Variants in PTPRN2 observed in about 807,000 individuals in gnomAD.
PTPRN2 encodes protein tyrosine phosphatase receptor type N2.
Under a neutral mutation model 118.8 loss-of-function variants are expected in PTPRN2, and 74 were observed. That is an observed-to-expected ratio of 0.62 (90% confidence interval 0.52 to 0.76). The LOEUF (loss-of-function observed/expected upper bound fraction) is 0.76. PTPRN2 is among the 30% of genes least tolerant of loss of function. The pLI is 0.00. For missense variants in PTPRN2, 1,481 were observed against 1,394.4 expected (o/e 1.06, Z -0.99); for synonymous variants, 641 against 608.0 (o/e 1.05, Z -0.80).
intron 3 of PTPRN2, among the ~76,000 whole-genome samples, chr7:158,275,898 C>G (rs1798930394): frequency 6.6e-6 from 1 of 152,182 alleles, no homozygotes; most frequent in African/African-American, 2.4e-5. Flanking sequence ...TCCCAAGGAG[C>G]TGGTCCCTCC....
At chr7:157,850,649 G>A (rs1053730106) in intron 12 of PTPRN2, among the ~76,000 whole-genome samples, 2 of 152,190 alleles carry the variant, frequency 1.3e-5, no homozygotes, top group African/African-American at 4.8e-5. Context: ...AGGCCAGGGG[G>A]TGGGTCCTGG....
intron 12 of PTPRN2, among the ~76,000 whole-genome samples, chr7:157,792,012 C>T (rs1022323700): frequency 3.3e-5 from 5 of 152,250 alleles, no homozygotes; most frequent in African/African-American, 1.2e-4. Context: ...GGAGGAGTCC[C>T]CTTTGCCCGG....
intron 3 of PTPRN2, among the ~76,000 whole-genome samples, chr7:158,266,062 G>T (rs1381037574): frequency 6.6e-6 from 1 of 151,784 alleles, no homozygotes; most frequent in Non-Finnish European, 1.5e-5. Flanking sequence ...GCTGGGGACG[G>T]CGTCTGCTGC....
intron 12 of PTPRN2, among the ~76,000 whole-genome samples, chr7:157,796,025 A>G (rs1390455088): frequency 6.6e-6 from 1 of 152,240 alleles, no homozygotes; most frequent in African/African-American, 2.4e-5. Context: ...TCCTGGCTGG[A>G]GAAAAATGGC....
chr7:158,023,826 A>G (rs73745087), intron 11 of PTPRN2, among the ~76,000 whole-genome samples: 148 of 152,068 alleles, frequency 9.7e-4, no homozygotes, highest in Middle Eastern at 3.4e-3. Context: ...GCAGGCACAC[A>G]CATGCAGGCA....
chr7:158,587,675 C>A lies in PTPRN2; in HGVS notation c.-6G>T. Reference sequence around the variant, plus strand: ...AGCGGGAGCGGCGGCCCCATCCCCGCGGCCTGGCCGGCGGCGCTCAGTCCA... The same window carrying A: ...AGCGGGAGCGGCGGCCCCATCCCCGAGGCCTGGCCGGCGGCGCTCAGTCCA... On this transcript the variant is annotated 5_prime_UTR_variant, in exon 1 of 23. Transcript: ENST00000389418. The A allele has an allele frequency of 2.3e-6, 3 of 1,319,506 alleles. No homozygotes were observed. Among genetic ancestry groups the A allele is most frequent in the South Asian group, 1.9e-5 (1 of 53,146 alleles). The allele number at this position is 1,319,506 out of a possible 1,614,324, so 81.7% of individuals were successfully genotyped here.
At chr7:157,844,555 C>T (rs1808663319) in intron 12 of PTPRN2, among the ~76,000 whole-genome samples, 1 of 152,176 alleles carries the variant, frequency 6.6e-6, no homozygotes, top group Admixed American at 6.5e-5. Context: ...GACAGGAGCC[C>T]AGCGTGACCA....
intron 12 of PTPRN2, among the ~76,000 whole-genome samples, chr7:157,751,274 C>T (rs994857896): frequency 1.3e-5 from 2 of 152,162 alleles, no homozygotes; most frequent in East Asian, 3.9e-4. Flanking sequence ...GGCTCAATTC[C>T]AGTTTGCGCG....
intron 12 of PTPRN2, among the ~76,000 whole-genome samples, chr7:157,859,675 CT>C (rs1190728479): frequency 2.7e-5 from 1 of 37,054 alleles, no homozygotes; most frequent in Admixed American, 1.9e-4. Context: ...CAGGGAGAGC[CT>C]CCCAGCCACC....
At chr7:157,558,303 G>C (rs753692925) in intron 21 of PTPRN2, among the ~76,000 whole-genome samples, 1 of 152,106 alleles carries the variant, frequency 6.6e-6, no homozygotes, top group Non-Finnish European at 1.5e-5. Context: ...GGAGCAGCAC[G>C]AGAGCCCCAA....
chr7:158,346,184 A>C (rs1807498055), intron 2 of PTPRN2, among the ~76,000 whole-genome samples: 1 of 152,242 alleles, frequency 6.6e-6, no homozygotes, highest in South Asian at 2.1e-4. Context: ...TTGTTCTCTC[A>C]GCAGTTTTGA....
Position 158,570,337 on chromosome 7 carries a change from G to A in PTPRN2, c.112+17221C>T, listed in dbSNP as rs894327038. ...CACACTCCACCGCGCTCTGCCAACC[G>A]GGACAAGGTGTTTTGCTGAATAAAT... On this transcript the variant is annotated intron_variant, in intron 1 of 22. Transcript: ENST00000389418. The surrounding 1 kb of genome is among the most constrained non-coding windows in gnomAD (Gnocchi z 4.5). 6.6e-6 allele frequency among the ~76,000 whole-genome samples: 1 copy of A among 152,202 alleles called. No individual in the cohort carries two copies. Among genetic ancestry groups the A allele is most frequent in the African/African-American group, 2.4e-5 (1 of 41,456 alleles).
intron 21 of PTPRN2, among the ~76,000 whole-genome samples, chr7:157,564,418 T>G (rs1799380601): frequency 6.6e-6 from 1 of 152,240 alleles, no homozygotes; most frequent in Non-Finnish European, 1.5e-5. Flanking sequence ...AAGAAAAATA[T>G]TTTTTAAAAA....
chr7:158,125,722 C>T (rs1017807165), intron 9 of PTPRN2, among the ~76,000 whole-genome samples: 2 of 152,198 alleles, frequency 1.3e-5, no homozygotes, highest in Non-Finnish European at 2.9e-5. Flanking sequence ...ACTGCGCTTT[C>T]TGAACAGGAA....
chr7:158,425,992 G>A (rs577993662), intron 2 of PTPRN2, among the ~76,000 whole-genome samples: 1 of 86,702 alleles, frequency 1.2e-5, no homozygotes, highest in Non-Finnish European at 2.2e-5. Context: ...TGGGGCCTGC[G>A]CACCGCCGGG....
chr7:157,622,431 CT>C lies in PTPRN2; in HGVS notation c.2197-923del, dbSNP rs1803311578. Among the ~76,000 whole-genome samples the C allele has an allele frequency of 1.3e-5, 2 of 152,194 alleles. No individual in the cohort carries two copies. Among genetic ancestry groups the C allele is most frequent in the African/African-American group, 2.4e-5 (1 of 41,450 alleles). The stretch of plus-strand genomic sequence containing the variant: ...GCCCTTCTCACCTTCTGCCCACCCC[CT>C]GACATCCCCTTCGATTGATCCGAGG... On this transcript the variant is annotated intron_variant, in intron 14 of 22. Coordinates refer to ENST00000389418, the MANE Select transcript of PTPRN2 (RefSeq NM_002847.5). The surrounding 1 kb of genome is among the most constrained non-coding windows in gnomAD (Gnocchi z 5.3).
chr7:158,157,152 A>G (rs1003033859), intron 6 of PTPRN2, among the ~76,000 whole-genome samples: 2 of 151,800 alleles, frequency 1.3e-5, no homozygotes, highest in African/African-American at 4.8e-5. Context: ...AGGCCTCCCC[A>G]TTGTGCTAAC....
In PTPRN2 at chr7:157,787,485, G is replaced by A. The variant is rs191622657; in HGVS notation, c.1789-104548C>T. On this transcript the variant is annotated intron_variant, in intron 12 of 22. Transcript: ENST00000389418. The surrounding 1 kb of genome is among the most constrained non-coding windows in gnomAD (Gnocchi z 5.3). Reference sequence around the variant, plus strand: ...CCTGGGTCACCCCAGTGGGCAGGGCGGGCAGGGGGCTTCCCCACAGTCTAG... The same window carrying A: ...CCTGGGTCACCCCAGTGGGCAGGGCAGGCAGGGGGCTTCCCCACAGTCTAG... Among the ~76,000 whole-genome samples the A allele has an allele frequency of 4.6e-5, 7 of 152,154 alleles. No individual in the cohort carries two copies. The highest frequency in any genetic ancestry group is 2.0e-4 in the Admixed American group (3 of 15,278).
intron 21 of PTPRN2, among the ~76,000 whole-genome samples, chr7:157,568,585 C>T (rs1016766248): frequency 3.3e-5 from 5 of 152,190 alleles, no homozygotes; most frequent in African/African-American, 9.6e-5. Context: ...AACGCTGCAG[C>T]GTATGCAGCA....
Sources: allele counts gnomAD v4.1 joint callset (sites outside exome capture counted in the v4.1 genomes callset), GRCh38; gene constraint gnomAD v4.1.1; non-coding constraint Gnocchi (gnomAD v3.1); transcripts MANE v1.5; gene names NCBI Gene and HGNC (gene_info 2026-07-23, HGNC 2026-07-21).